Variants in SPG11 observed in about 807,000 individuals in gnomAD.
SPG11 encodes the protein SPG11 vesicle trafficking associated, spatacsin, also known as spatacsin.
Under a neutral mutation model 274.0 loss-of-function variants are expected in SPG11, and 222 were observed. The ratio of observed to expected loss-of-function variants is 0.81; its 90% CI spans 0.73 to 0.91. The LOEUF (loss-of-function observed/expected upper bound fraction) is 0.91. Among genes scored for constraint, SPG11 ranks in the 40% least tolerant of loss-of-function variants. The probability of loss-of-function intolerance (pLI) is 0.00; values close to 1 mark genes in which losing one functional copy is unlikely to be tolerated. For synonymous variants in SPG11, 1,144 were observed against 1,039.7 expected (o/e 1.10, Z -1.93); for missense variants, 3,114 against 2,872.7 (o/e 1.08, Z -1.92).
At chr15:44,617,204 A>C (rs1032713277) in intron 15 of SPG11, among the ~76,000 whole-genome samples, 4 of 152,226 alleles carry the variant, frequency 2.6e-5, no homozygotes, top group African/African-American at 9.6e-5. Flanking sequence ...CCCTACACTA[A>C]GGGTCACAAC....
Position 44,621,852 on chromosome 15 carries a change from T to C in SPG11, c.2527A>G (p.Asn843Asp). The part of the protein sequence containing the change: ...FLKYDCKDEF[N>D]KQDHRIVLNW... ...AACACAATTCTATGGTCCTGTTTGT[T>C]AAATTCATCTTTACAATCATATTTC... Residue 843 changes from asparagine to aspartate, a missense_variant, in exon 14 of 40, where the codon AAC (asparagine) becomes GAC (aspartate). Transcript: ENST00000261866. The C allele has an allele frequency of 6.2e-7, 1 of 1,613,952 alleles. No individual in the cohort carries two copies. The highest frequency in any genetic ancestry group is 8.5e-7 in the Non-Finnish European group (1 of 1,179,864).
intron 3 of SPG11, 67 bp from the exon 4 acceptor site, chr15:44,657,363 G>C: frequency 6.9e-7 from 1 of 1,456,588 alleles, no homozygotes; most frequent in South Asian, 1.2e-5. Flanking sequence ...AGCACAGGTT[G>C]GGAAAGAGCT....
chr15:44,632,524 T>C (rs2084099637), intron 8 of SPG11, among the ~76,000 whole-genome samples: 1 of 152,004 alleles, frequency 6.6e-6, no homozygotes, highest in African/African-American at 2.4e-5. Context: ...TGAATTTTTT[T>C]TTTTTTTTTG....
At chr15:44,595,050 C>T in intron 26 of SPG11, among the ~76,000 whole-genome samples, 1 of 152,196 alleles carries the variant, frequency 6.6e-6, no homozygotes. Flanking sequence ...CTCCTGACCT[C>T]AAGTGATCCA....
chr15:44,620,059 TA>T, intron 15 of SPG11, 130 bp downstream of exon 15: 1 of 802,882 alleles, frequency 1.2e-6, no homozygotes, highest in Admixed American at 2.1e-5. Flanking sequence ...TGATGCCCTT[TA>T]AATTTTATAG....
At position 44,595,458 on chromosome 15, in the gene SPG11, C is replaced by A. The variant is rs374303102; in HGVS notation, c.4436G>T (p.Gly1479Val). 125 of 1,613,956 alleles carry A rather than the reference C, an allele frequency of 7.7e-5. No individual in the cohort carries two copies. Among genetic ancestry groups the A allele is most frequent in the Non-Finnish European group, 1.2e-5 (14 of 1,179,978 alleles). ...ACAGAGACAAGAAATGGCACTGGCACCCTGCCACGGGATAAATAAAATAAC... is the reference window on the plus strand; with the variant it reads ...ACAGAGACAAGAAATGGCACTGGCAACCTGCCACGGGATAAATAAAATAAC... ...ILSVLASCLQ[G>V]ASAISCLCVW... Residue 1479 changes from glycine (G) to valine (V), a missense_variant and splice_region_variant, in exon 26 of 40, where the codon GGT becomes GTT. By Grantham distance (109) the Gly-to-Val change is moderately radical. Coordinates refer to ENST00000261866, the MANE Select transcript of SPG11 (RefSeq NM_025137.4).
Position 44,563,037 on chromosome 15 carries a change from CA to C in SPG11, c.*83del. 12 of 1,406,316 alleles carry C rather than the reference CA, an allele frequency of 8.5e-6. No individual in the cohort carries two copies. The highest frequency in any genetic ancestry group is 1.2e-5 in the Non-Finnish European group (12 of 998,136). 87.1% of individuals were successfully genotyped at this position (1,406,316 alleles called of 1,614,324 possible). A position where few individuals can be genotyped will look rare whatever the true frequency, so the allele number is the denominator to read the frequency against. Reference sequence around the variant, plus strand: ...CAGTACCGGGATTGTTCAACTTTAGCAAAGATCTCCAATGCATTCTTCTTCT... The same window carrying C: ...CAGTACCGGGATTGTTCAACTTTAGCAAGATCTCCAATGCATTCTTCTTCT... On this transcript the variant is annotated 3_prime_UTR_variant, in exon 40 of 40. Coordinates refer to ENST00000261866, the MANE Select transcript of SPG11 (RefSeq NM_025137.4).
intron 20 of SPG11, among the ~76,000 whole-genome samples, chr15:44,601,332 C>T (rs1248122192): frequency 6.6e-6 from 1 of 151,822 alleles, no homozygotes; most frequent in Admixed American, 6.6e-5. Flanking sequence ...ATAATCTTGG[C>T]TCACTGCAAT....
chr15:44,597,096 GAA>G (rs1038134764), intron 23 of SPG11, 153 bp from the exon 24 acceptor site: 1 of 507,910 alleles, frequency 2.0e-6, no homozygotes, highest in Non-Finnish European at 3.3e-6. Flanking sequence ...AGGCTACTTT[GAA>G]AAAAGTAGAT....
intron 7 of SPG11, among the ~76,000 whole-genome samples, chr15:44,640,965 C>T (rs1033398863): frequency 2.1e-4 from 32 of 152,210 alleles, no homozygotes; most frequent in African/African-American, 7.0e-4. Context: ...CTTGACTTTG[C>T]GATCTGCCTG....
chr15:44,622,373 T>C (rs1567170050), intron 12 of SPG11, 26 bp from the exon 13 acceptor site: 3 of 1,510,334 alleles, frequency 2.0e-6, no homozygotes, highest in East Asian at 2.3e-5. Context: ...ATTAAAGCAG[T>C]GACTTTACAA....
chr15:44,606,814 A>T (rs912779569), intron 19 of SPG11, among the ~76,000 whole-genome samples: 2 of 152,224 alleles, frequency 1.3e-5, no homozygotes, highest in Non-Finnish European at 2.9e-5. Flanking sequence ...ACCACTAAAA[A>T]AATTAAATCA....
chr15:44,563,120 TCTAAC>T lies in SPG11; in HGVS notation c.7328_7332del (p.Gly2443AspfsTer45), dbSNP rs779668841. On this transcript the variant is annotated frameshift_variant and stop_lost, in exon 40 of 40. Transcript: ENST00000261866. LOFTEE classifies it high-confidence loss of function. ...AAGAAAACAGACACCTATGAAATCA[TCTAAC>T]CTGCTAGCATGTCCTTTAGACAGCA... is the stretch of plus-strand genomic sequence containing the variant. 1 of 1,613,908 alleles carries T rather than the reference TCTAAC, an allele frequency of 6.2e-7. No individual in the cohort carries two copies. The highest frequency in any genetic ancestry group is 8.5e-7 in the Non-Finnish European group (1 of 1,179,888).
rs911789480 is a variant in SPG11 at position 44,619,784 on chromosome 15, G to A, written c.2834+406C>T. Reference sequence around the variant, plus strand: ...GTTGCCCAGGCTGGAGTGCAATGGCGCAATCTCGGCTCACTGCAACCTCTG... The same window carrying A: ...GTTGCCCAGGCTGGAGTGCAATGGCACAATCTCGGCTCACTGCAACCTCTG... On this transcript the variant is annotated intron_variant, in intron 15 of 39. Coordinates refer to ENST00000261866, the MANE Select transcript of SPG11 (RefSeq NM_025137.4). 6.0e-5 allele frequency among the ~76,000 whole-genome samples: 9 copies of A among 149,860 alleles called. No homozygotes were observed. In the East Asian group the frequency reaches 7.8e-4, roughly 13 times the overall value.
chr15:44,642,046 C>CA (rs1027214266), intron 7 of SPG11, among the ~76,000 whole-genome samples: 1 of 150,052 alleles, frequency 6.7e-6, no homozygotes, highest in African/African-American at 2.5e-5. Flanking sequence ...ATGGATGAAT[C>CA]AAAAAAATCA....
intron 18 of SPG11, among the ~76,000 whole-genome samples, chr15:44,609,490 G>A (rs547058582): frequency 6.6e-6 from 1 of 152,072 alleles, no homozygotes; most frequent in South Asian, 2.1e-4. Flanking sequence ...AGCAAAGATG[G>A]GCACATTTCC....
intron 8 of SPG11, among the ~76,000 whole-genome samples, chr15:44,632,378 T>C (rs1218483153): frequency 2.6e-5 from 4 of 152,184 alleles, no homozygotes. Flanking sequence ...TATACTTTAT[T>C]ACCCTGTTGT....
intron 7 of SPG11, among the ~76,000 whole-genome samples, chr15:44,647,514 A>G (rs1250176620): frequency 6.6e-6 from 1 of 152,222 alleles, no homozygotes; most frequent in Non-Finnish European, 1.5e-5. Context: ...GAGACAACCC[A>G]AATGTCCATC....
intron 39 of SPG11, 37 bp from the exon 40 acceptor site, chr15:44,563,338 G>A (rs552624254): frequency 8.8e-6 from 14 of 1,586,646 alleles, no homozygotes; most frequent in Middle Eastern, 2.1e-4. Context: ...TTAAGATACT[G>A]TTTTTTGTTT....
Sources: allele counts gnomAD v4.1 joint callset (sites outside exome capture counted in the v4.1 genomes callset), GRCh38; gene constraint gnomAD v4.1.1; transcripts MANE v1.5; gene names NCBI Gene and HGNC (gene_info 2026-07-23, HGNC 2026-07-21).